The following ADAM12 variants were observed in gnomAD, a reference collection of about 807,000 sequenced individuals.
ADAM12 encodes disintegrin and metalloproteinase domain-containing protein 12.
In ADAM12, 70 loss-of-function variants were observed where a neutral mutation model predicts 106.4. The observed-to-expected ratio is 0.66, with a 90% CI of 0.54 to 0.80. ADAM12 has a LOEUF of 0.80. ADAM12 is among the 30% of genes least tolerant of loss of function. The pLI, the probability that ADAM12 is intolerant of heterozygous loss-of-function variation, is 0.00. For missense variants in ADAM12, 1,010 were observed against 1,171.9 expected (o/e 0.86, Z 2.02); for synonymous variants, 420 against 433.5 (o/e 0.97, Z 0.39).
intron 5 of ADAM12, among the ~76,000 whole-genome samples, chr10:126,125,979 G>A (rs375331560): frequency 1.3e-5 from 2 of 152,004 alleles, no homozygotes; most frequent in Non-Finnish European, 2.9e-5. Flanking sequence ...GGATTCTTCC[G>A]TAGACTCTGC....
chr10:126,339,735 G>A (rs1200237848), intron 1 of ADAM12, among the ~76,000 whole-genome samples: 2 of 152,098 alleles, frequency 1.3e-5, no homozygotes, highest in Non-Finnish European at 2.9e-5. Flanking sequence ...GAGATGGGAT[G>A]CAGAGAGGGA....
intron 2 of ADAM12, among the ~76,000 whole-genome samples, chr10:126,287,348 T>C (rs1959917037): frequency 6.6e-6 from 1 of 152,128 alleles, no homozygotes; most frequent in South Asian, 2.1e-4. Flanking sequence ...ACATGACTTA[T>C]CAGAAAGCAA....
At chr10:126,191,072 G>A (rs1223536162) in intron 3 of ADAM12, among the ~76,000 whole-genome samples, 2 of 133,174 alleles carry the variant, frequency 1.5e-5, no homozygotes, top group Non-Finnish European at 3.1e-5. Context: ...CACAATCTCT[G>A]CTCACTGCAA....
At chr10:126,354,980 A>G (rs1011220293) in intron 1 of ADAM12, among the ~76,000 whole-genome samples, 1 of 152,204 alleles carries the variant, frequency 6.6e-6, no homozygotes. Context: ...GACCCACAAG[A>G]GTTCTTATGT....
chr10:126,024,487 T>C (rs7071950), intron 21 of ADAM12, among the ~76,000 whole-genome samples: 36,764 of 152,116 alleles, frequency 0.24, 4,822 homozygotes, highest in East Asian at 0.33. Context: ...TTAAAAAATA[T>C]ACACTACAAA....
chr10:126,339,846 GCT>G (rs1854854765), intron 1 of ADAM12, among the ~76,000 whole-genome samples: 5 of 133,380 alleles, frequency 3.7e-5, no homozygotes, highest in Admixed American at 2.4e-4. Flanking sequence ...CCATTCTAGG[GCT>G]TTTTTTTTTT....
chr10:126,061,426 T>C (rs559833976), intron 14 of ADAM12, among the ~76,000 whole-genome samples: 73 of 152,326 alleles, frequency 4.8e-4, no homozygotes, highest in Middle Eastern at 3.4e-3. Flanking sequence ...AAGTGGTCTG[T>C]TCAATGCCTG....
At chr10:126,328,661 T>C (rs1308145832) in intron 2 of ADAM12, among the ~76,000 whole-genome samples, 4 of 152,362 alleles carry the variant, frequency 2.6e-5, no homozygotes, top group Middle Eastern at 3.4e-3. Flanking sequence ...ATGAGCCCAC[T>C]GGCATTACAA....
At chr10:126,168,686 C>G (rs1331912759) in intron 3 of ADAM12, among the ~76,000 whole-genome samples, 1 of 152,140 alleles carries the variant, frequency 6.6e-6, no homozygotes, top group African/African-American at 2.4e-5. Context: ...GTTTTTAAAA[C>G]GAAAACGGAT....
intron 3 of ADAM12, among the ~76,000 whole-genome samples, chr10:126,194,246 G>C (rs1191122890): frequency 1.5e-5 from 2 of 134,200 alleles, no homozygotes; most frequent in African/African-American, 5.8e-5. Flanking sequence ...TCCCTTGCCA[G>C]CAGTCACAGA....
chr10:126,371,304 G>T (rs1275555602), intron 1 of ADAM12, among the ~76,000 whole-genome samples: 1 of 152,210 alleles, frequency 6.6e-6, no homozygotes, highest in Non-Finnish European at 1.5e-5. Context: ...TCAGAAATGT[G>T]ATTGTTTTCC....
In ADAM12 at chr10:126,380,952, AT is replaced by A. The variant is rs891405333; in HGVS notation, c.88+7105del. Among the ~76,000 whole-genome samples, 9 of 152,086 alleles carry A rather than the reference AT, an allele frequency of 5.9e-5. No homozygotes were observed. In the East Asian group the frequency reaches 1.5e-3, roughly 26 times the overall value. ...CCTCTGAAACACACTCTGATACAAAATTTTTTTTCTGCAACTCTGATGAGTT... is the reference window on the plus strand; with the variant it reads ...CCTCTGAAACACACTCTGATACAAAATTTTTTTCTGCAACTCTGATGAGTT... On this transcript the variant is annotated intron_variant, in intron 1 of 22. Coordinates refer to ENST00000448723, the MANE Select transcript of ADAM12 (RefSeq NM_001288973.2).
intron 3 of ADAM12, among the ~76,000 whole-genome samples, chr10:126,277,759 T>C (rs184700155): frequency 2.2e-4 from 33 of 152,272 alleles, no homozygotes; most frequent in Admixed American, 1.9e-3. Flanking sequence ...GCTTCTGATC[T>C]ATTTAATGGT....
chr10:126,297,526 G>C (rs1391601681), intron 2 of ADAM12, among the ~76,000 whole-genome samples: 1 of 152,192 alleles, frequency 6.6e-6, no homozygotes, highest in Admixed American at 6.5e-5. Context: ...CTCCAGCCTG[G>C]GTGAGGGAGC....
intron 1 of ADAM12, among the ~76,000 whole-genome samples, chr10:126,360,836 C>T (rs1163927220): frequency 6.6e-6 from 1 of 152,162 alleles, no homozygotes; most frequent in African/African-American, 2.4e-5. Context: ...AGTTTGTTTC[C>T]ATGCTGCTGA....
intron 12 of ADAM12, 120 bp downstream of exon 12, chr10:126,071,357 A>T (rs1954985234): frequency 8.1e-7 from 1 of 1,242,214 alleles, no homozygotes. Flanking sequence ...GGCAGATAGG[A>T]CTCTTCCTTC....
intron 14 of ADAM12, among the ~76,000 whole-genome samples, chr10:126,051,455 AGCCACCCG>A (rs1954481670): frequency 2.6e-5 from 4 of 151,520 alleles, no homozygotes; most frequent in East Asian, 1.9e-4. Flanking sequence ...CCAGCCACCC[AGCCACCCG>A]TCCATCCATC....
intron 1 of ADAM12, among the ~76,000 whole-genome samples, chr10:126,364,407 T>C (rs1007712760): frequency 1.3e-5 from 2 of 152,152 alleles, no homozygotes; most frequent in African/African-American, 2.4e-5. Context: ...ATTAGTTACC[T>C]AGGAAACCCA....
Position 126,222,803 on chromosome 10 carries a change from T to C in ADAM12, c.260+56112A>G, listed in dbSNP as rs77174653. The stretch of plus-strand genomic sequence containing the variant: ...CTTTTATAGATCCAGAGTCAGTAGA[T>C]AAAAAGCATCTAGTCTTCCTGGCTC... On this transcript the variant is annotated intron_variant, in intron 3 of 22. Coordinates refer to ENST00000448723, the MANE Select transcript of ADAM12 (RefSeq NM_001288973.2). 7.0e-3 allele frequency among the ~76,000 whole-genome samples: 1,071 copies of C among 152,314 alleles called. 39 individuals carry two copies. The highest frequency in any genetic ancestry group is 0.063 in the Admixed American group (970 of 15,296).
Sources: gnomAD v4.1 joint callset for allele counts (sites outside exome capture counted in the v4.1 genomes callset) on GRCh38, gnomAD v4.1.1 for gene constraint, MANE v1.5 for transcripts, NCBI Gene and HGNC (gene_info 2026-07-23, HGNC 2026-07-21) for gene names.